The following HCFC2 variants were observed in gnomAD, a reference collection of about 807,000 sequenced individuals.
HCFC2 encodes host cell factor 2.
In HCFC2, 18 loss-of-function variants were observed where a neutral mutation model predicts 89.2. That is an observed-to-expected ratio of 0.20 (90% confidence interval 0.14 to 0.30). The LOEUF (loss-of-function observed/expected upper bound fraction) is 0.30, where lower values mean the gene tolerates loss of function less well. Ranked by LOEUF, HCFC2 falls within the 10% of genes least tolerant of loss-of-function variation. The pLI is 1.00. For synonymous variants in HCFC2, 308 were observed against 335.7 expected, an observed-to-expected ratio of 0.92 and a Z score of 0.90; for missense variants, 578 against 956.1, an observed-to-expected ratio of 0.60 and a Z score of 5.21.
chr12:104,064,797 C>T lies in HCFC2; in HGVS notation c.163+74C>T. ...GGGAGGGGAGGCGAGGCGGCGGCCG[C>T]GGCCCTGACAGCTGTCACCGCCCGG... On this transcript the variant is annotated intron_variant, in intron 1 of 14. Coordinates refer to ENST00000229330, the MANE Select transcript of HCFC2 (RefSeq NM_013320.3). This position sits in a 1 kb window ranked among gnomAD's most constrained non-coding sequence, Gnocchi z 7.3. 2 of 1,401,002 alleles carry T rather than the reference C, an allele frequency of 1.4e-6. No homozygotes were observed. The highest frequency in any genetic ancestry group is 2.9e-5 in the Admixed American group (1 of 34,408). 86.8% of individuals were successfully genotyped at this position (1,401,002 alleles called of 1,614,324 possible). A position where few individuals can be genotyped will look rare whatever the true frequency, so the allele number is the denominator to read the frequency against.
At position 104,088,044 on chromosome 12, in the gene HCFC2, T is replaced by TA; in HGVS notation, c.1284+12dup. On this transcript the variant is annotated splice_region_variant and intron_variant, in intron 9 of 14. Transcript: ENST00000229330. ...ATAACATCGTTCCTAACAGTGTAAG[T>TA]AAAAAAGTGTATGAAGGTAATTGGA... 6.3e-7 allele frequency: 1 copy of TA among 1,589,720 alleles called. No individual in the cohort carries two copies. The highest frequency in any genetic ancestry group is 8.6e-7 in the Non-Finnish European group (1 of 1,162,142).
Position 104,086,976 on chromosome 12 carries a change from C to A in HCFC2, c.1193C>A (p.Ala398Asp). Residue 398 changes from alanine to aspartate, a missense_variant, in exon 8 of 15, where the codon GCT (alanine) becomes GAT (aspartate). This residue lies in a region of HCFC2 where 210 missense variants were observed against 251.7 expected (regional missense o/e 0.83). Transcript: ENST00000229330. ...TTGAGTACAGACTTGCCATACCAAG[C>A]TGCATCATCAGATTCTTCAGCAGCA... ...LQLSTDLPYQ[A>D]ASSDSSAAPN... 1 of 1,614,060 alleles carries A rather than the reference C, an allele frequency of 6.2e-7. No homozygotes were observed. The highest frequency in any genetic ancestry group is 8.5e-7 in the Non-Finnish European group (1 of 1,179,920).
At chr12:104,094,661 G>C (rs1884123306) in intron 10 of HCFC2, among the ~76,000 whole-genome samples, 1 of 152,120 alleles carries the variant, frequency 6.6e-6, no homozygotes, top group Admixed American at 6.6e-5. Flanking sequence ...TATTAAAGTA[G>C]TGTGCTAGAA....
intron 3 of HCFC2, 70 bp from the exon 4 acceptor site, chr12:104,079,375 A>AGAAATAAAATAG (rs1422719348): frequency 4.7e-5 from 56 of 1,198,814 alleles, no homozygotes; most frequent in Middle Eastern, 2.7e-4. Context: ...TTATCTTTAT[A>AGAAATAAAATAG]AATAGAAATA....
At chr12:104,069,863 CG>C (rs1432956900) in intron 3 of HCFC2, among the ~76,000 whole-genome samples, 1 of 151,992 alleles carries the variant, frequency 6.6e-6, no homozygotes, top group African/African-American at 2.4e-5. Flanking sequence ...CTGCAACCCC[CG>C]ATATGCCCTG....
At chr12:104,083,752 G>T (rs1883751825) in intron 7 of HCFC2, among the ~76,000 whole-genome samples, 1 of 152,152 alleles carries the variant, frequency 6.6e-6, no homozygotes, top group African/African-American at 2.4e-5. Context: ...GAGGCTGGGT[G>T]CAGTGGCTCA....
chr12:104,099,614 AT>A (rs111391384), intron 13 of HCFC2, among the ~76,000 whole-genome samples: 100 of 150,846 alleles, frequency 6.6e-4, no homozygotes, highest in East Asian at 3.7e-3. Context: ...CTATCTCTAA[AT>A]TTAAAAAAAA....
chr12:104,090,669 C>A (rs1378564339), intron 9 of HCFC2, among the ~76,000 whole-genome samples: 1 of 151,378 alleles, frequency 6.6e-6, no homozygotes, highest in African/African-American at 2.4e-5. Context: ...AATATAATAT[C>A]TTTCCTTCTC....
At chr12:104,096,224 A>G (rs982478558) in intron 11 of HCFC2, 136 bp from the exon 12 acceptor site, 11 of 505,728 alleles carry the variant, frequency 2.2e-5, no homozygotes, top group African/African-American at 3.8e-5. Flanking sequence ...GTGATAAAAT[A>G]CATGTAACAT....
At position 104,095,693 on chromosome 12, in the gene HCFC2, G is replaced by A; in HGVS notation, c.1666+130G>A. On this transcript the variant is annotated intron_variant, in intron 11 of 14. Transcript: ENST00000229330. This position sits in a 1 kb window ranked among gnomAD's most constrained non-coding sequence, Gnocchi z 4.2. The stretch of plus-strand genomic sequence containing the variant: ...TATTAGTCATTTTAACTTAATTTCT[G>A]TGAGCAAGAGTTTTCATTTGACCTA... 1.5e-6 allele frequency: 1 copy of A among 665,116 alleles called. No homozygotes were observed. The allele number at this position is 665,116 out of a possible 1,614,324, so 41.2% of individuals were successfully genotyped here.
chr12:104,098,106 G>A (rs1349208869), intron 12 of HCFC2: 1 of 368,368 alleles, frequency 2.7e-6, no homozygotes, highest in Admixed American at 4.5e-5. Flanking sequence ...CTCCAGCTAG[G>A]TTGATAGTAC....
At chr12:104,100,796 C>T (rs2029915479) in intron 13 of HCFC2, among the ~76,000 whole-genome samples, 2 of 151,874 alleles carry the variant, frequency 1.3e-5, no homozygotes, top group Non-Finnish European at 2.9e-5. Context: ...AGTATTATGC[C>T]CAGTGAAATT....
chr12:104,076,353 A>G (rs2136602631), intron 3 of HCFC2, among the ~76,000 whole-genome samples: 1 of 152,374 alleles, frequency 6.6e-6, no homozygotes, highest in South Asian at 2.1e-4. Context: ...GACATGCTCA[A>G]GTCTCCCACT....
At chr12:104,098,597 C>T in intron 13 of HCFC2, 117 bp downstream of exon 13, 1 of 1,056,488 alleles carries the variant, frequency 9.5e-7, no homozygotes. Context: ...TTTTTTAGAA[C>T]CCTGATTCAG....
At position 104,081,022 on chromosome 12, in the gene HCFC2, C is replaced by A. The variant is rs527808040; in HGVS notation, c.767+192C>A. 3.3e-5 allele frequency among the ~76,000 whole-genome samples: 5 copies of A among 152,342 alleles called. No individual in the cohort carries two copies. The East Asian group carries it at 9.6e-4, about 29-fold the overall frequency. ...TTAATGTGCCATTTTCTTATGCTCT[C>A]TCTTTTACTTCTTTGCATTCCTTAT... On this transcript the variant is annotated intron_variant, in intron 5 of 14. Coordinates refer to ENST00000229330, the MANE Select transcript of HCFC2 (RefSeq NM_013320.3).
At position 104,068,075 on chromosome 12, in the gene HCFC2, C is replaced by T. The variant is rs964324079; in HGVS notation, c.441C>T (p.Asn147=). 1.4e-5 allele frequency: 22 copies of T among 1,595,124 alleles called. No homozygotes were observed. The highest frequency in any genetic ancestry group is 5.4e-5 in the African/African-American group (4 of 73,518). The stretch of plus-strand genomic sequence containing the variant: ...GCTATTTGTTTGGTGGCCTGGCAAA[C>T]GAAAGCGAAGATTCAAACAATAATG... The part of the protein sequence containing the change: ...NKCYLFGGLA[N]ESEDSNNNVP... The change falls in exon 3 of 15, where the codon AAC becomes AAT. Residue 147 remains asparagine (N), a synonymous_variant. Transcript: ENST00000229330. This position sits in a 1 kb window ranked among gnomAD's most constrained non-coding sequence, Gnocchi z 4.1.
chr12:104,078,276 C>T (rs1163246246), intron 3 of HCFC2, among the ~76,000 whole-genome samples: 1 of 152,240 alleles, frequency 6.6e-6, no homozygotes, highest in Non-Finnish European at 1.5e-5. Flanking sequence ...GCTGGGATTA[C>T]AGGCGTGAGT....
intron 4 of HCFC2, chr12:104,080,309 GAT>G (rs1883647137): frequency 6.2e-6 from 1 of 161,056 alleles, no homozygotes; most frequent in Non-Finnish European, 1.3e-5. Context: ...TCAAGTCCCT[GAT>G]ATAAAATGGT....
intron 14 of HCFC2, 105 bp downstream of exon 14, chr12:104,102,258 A>G (rs951432060): frequency 1.4e-5 from 13 of 917,458 alleles, no homozygotes; most frequent in Non-Finnish European, 2.2e-5. Flanking sequence ...TAATGAAATG[A>G]GAGATACCTA....
Sources: gnomAD v4.1 joint callset for allele counts (sites outside exome capture counted in the v4.1 genomes callset) on GRCh38, gnomAD v4.1.1 for gene constraint, gnomAD v4.1.1 regional missense constraint, Gnocchi (gnomAD v3.1) non-coding constraint, MANE v1.5 for transcripts, NCBI Gene and HGNC (gene_info 2026-07-23, HGNC 2026-07-21) for gene names.